FAM171A2: variants seen among roughly 807,000 people sequenced by gnomAD.
FAM171A2 encodes the protein protein FAM171A2.
A neutral mutation model predicts 34.2 loss-of-function variants in FAM171A2; 13 were observed. The ratio of observed to expected loss-of-function variants is 0.38; its 90% confidence interval spans 0.25 to 0.60. The LOEUF (loss-of-function observed/expected upper bound fraction) is 0.60, where lower values mean the gene tolerates loss of function less well. Among genes scored for constraint, FAM171A2 ranks in the 20% least tolerant of loss-of-function variants. The probability of loss-of-function intolerance (pLI) is 0.62; values close to 1 mark genes in which losing one functional copy is unlikely to be tolerated. For synonymous variants in FAM171A2, 475 were observed against 561.2 expected (o/e 0.85, Z 2.17); for missense variants, 950 against 1,180.7 (o/e 0.80, Z 2.86).
At chr17:44,363,071 TAGAGCA>T (rs976102407) in intron 1 of FAM171A2, among the ~76,000 whole-genome samples, 1 of 152,076 alleles carries the variant, frequency 6.6e-6, no homozygotes, top group Non-Finnish European at 1.5e-5. Flanking sequence ...AGAACCCCAT[TAGAGCA>T]GTCAATCCCG....
Position 44,360,039 on chromosome 17 carries a change from G to T in FAM171A2, c.212C>A (p.Ala71Glu), listed in dbSNP as rs1303346026. 1 of 1,551,666 alleles carries T rather than the reference G, an allele frequency of 6.4e-7. No individual in the cohort carries two copies. The highest frequency in any genetic ancestry group is 8.7e-7 in the Non-Finnish European group (1 of 1,147,032). The change falls in exon 2 of 8, where the codon GCA (alanine) becomes GAA (glutamate). Residue 71 changes from alanine to glutamate, a missense_variant. Coordinates refer to ENST00000293443, the MANE Select transcript of FAM171A2 (RefSeq NM_198475.3). ...VDVFGNRTLL[A>E]AGTTDSEGVA... ...ACCCTCTGAGTCTGTGGTGCCAGCT[G>T]CCAGCAGAGTCCGGTTCCCAAACAC...
rs1183963484 is a variant in FAM171A2, at chr17:44,356,503, T to C, written c.525A>G (p.Ser175=). 6.4e-7 allele frequency: 1 copy of C among 1,550,636 alleles called. No homozygotes were observed. The highest frequency in any genetic ancestry group is 8.7e-7 in the Non-Finnish European group (1 of 1,146,940). The part of the protein sequence containing the change: ...VSSTYSQLWA[S]LTPASTQQEM... ...CCTGCTGGGTGCTGGCAGGCGTAAG[T>C]GACGCCCAGAGCTGGCTGTAGGTGG... The change falls in exon 4 of 8, where the codon TCA becomes TCG. Residue 175 remains serine (S), a synonymous_variant. Transcript: ENST00000293443.
chr17:44,362,713 T>C (rs2143389336), intron 1 of FAM171A2, among the ~76,000 whole-genome samples: 1 of 152,084 alleles, frequency 6.6e-6, no homozygotes, highest in Admixed American at 6.5e-5. Flanking sequence ...CACACCCACC[T>C]GCGCCCGGTG....
At position 44,356,177 on chromosome 17, in the gene FAM171A2, C is replaced by A; in HGVS notation, c.774G>T (p.Lys258Asn). The A allele has an allele frequency of 6.5e-7, 1 of 1,546,578 alleles. No homozygotes were observed. Among genetic ancestry groups the A allele is most frequent in the Non-Finnish European group, 8.7e-7 (1 of 1,143,322 alleles). The change falls in exon 5 of 8, where the codon AAG becomes AAT. Residue 258 changes from lysine (K) to asparagine (N), a missense_variant. By Grantham distance (94) the Lys-to-Asn change is moderately conservative (BLOSUM62 0). Around this residue, in one of 3 missense-constraint regions of FAM171A2, gnomAD observed 752 missense variants for 924.5 expected, o/e 0.81. Coordinates refer to ENST00000293443, the MANE Select transcript of FAM171A2 (RefSeq NM_198475.3). ...GCAGCCCCCTGAGGCACTTACCACT[C>A]TTGGGGTCAAATCTCCAGGCTGGAA... The part of the protein sequence containing the change: ...TSIPAWRFDP[K>N]SGLWVRNGTG...
Position 44,354,226 on chromosome 17 carries a change from T to G in FAM171A2, c.1988A>C (p.Asn663Thr). The G allele has an allele frequency of 6.9e-7, 1 of 1,452,644 alleles. No homozygotes were observed. The highest frequency in any genetic ancestry group is 9.1e-7 in the Non-Finnish European group (1 of 1,094,430). The allele number at this position is 1,452,644 out of a possible 1,614,324, so 90.0% of individuals were successfully genotyped here. A position where few individuals can be genotyped will look rare whatever the true frequency, so the allele number is the denominator to read the frequency against. ...GATGTAAGAGTGGCGCACTTGCGAG[T>G]TGGAGCGCCCGTCGAGGGACACGAA... is the stretch of plus-strand genomic sequence containing the variant. The part of the protein sequence containing the change: ...AWFVSLDGRS[N>T]SQVRHSYIDL... Residue 663 changes from asparagine to threonine, a missense_variant, in exon 8 of 8, where the codon AAC (asparagine) becomes ACC (threonine). Physicochemically the swap from Asn to Thr is moderately conservative, Grantham distance 65 (BLOSUM62 0). Coordinates refer to ENST00000293443, the MANE Select transcript of FAM171A2 (RefSeq NM_198475.3). This position sits in a 1 kb window ranked among gnomAD's most constrained non-coding sequence, Gnocchi z 5.8.
Position 44,363,333 on chromosome 17 carries a change from T to C in FAM171A2, c.118+264A>G, listed in dbSNP as rs916264320. Among the ~76,000 whole-genome samples, 3 of 151,700 alleles carry C rather than the reference T, an allele frequency of 2.0e-5. No individual in the cohort carries two copies. In the South Asian group the frequency reaches 6.2e-4, roughly 31 times the overall value. ...GCGGACCAGGAGGGAGAAAAACAAA[T>C]AGGGAGAGGGCGGCGGCGCAGATCC... is the stretch of plus-strand genomic sequence containing the variant. On this transcript the variant is annotated intron_variant, in intron 1 of 7. Transcript: ENST00000293443.
chr17:44,356,100 A>G, intron 5 of FAM171A2, 26 bp from the exon 6 acceptor site: 1 of 1,525,920 alleles, frequency 6.6e-7, no homozygotes, highest in Non-Finnish European at 8.8e-7. Context: ...GTTTTGTCAC[A>G]CTTGAGTCGC....
Position 44,363,662 on chromosome 17 carries a change from C to A in FAM171A2, c.53G>T (p.Gly18Val). Reference protein sequence around the residue: ...SVLARLLPLLGLLLGSASRAP... With the variant: ...SVLARLLPLLVLLLGSASRAP... ...CCGGGAGGCGCTGCCGAGCAGCAGCCCCAGCAGCGGCAACAGCCGCGCGAG... is the reference window on the plus strand; with the variant it reads ...CCGGGAGGCGCTGCCGAGCAGCAGCACCAGCAGCGGCAACAGCCGCGCGAG... Residue 18 changes from glycine to valine, a missense_variant, in exon 1 of 8, where the codon GGG becomes GTG. Physicochemically the swap from Gly to Val is moderately radical, Grantham distance 109 (BLOSUM62 -3). Transcript: ENST00000293443. The A allele has an allele frequency of 8.1e-7, 1 of 1,227,530 alleles. No homozygotes were observed. The highest frequency in any genetic ancestry group is 1.0e-6 in the Non-Finnish European group (1 of 984,790). The allele number at this position is 1,227,530 out of a possible 1,614,324, so 76.0% of individuals were successfully genotyped here.
At chr17:44,360,217 T>C (rs2048442799) in intron 1 of FAM171A2, 85 bp from the exon 2 acceptor site, 6 of 1,174,256 alleles carry the variant, frequency 5.1e-6, no homozygotes, top group Non-Finnish European at 7.3e-6. Flanking sequence ...AGGAAGGAGC[T>C]GTGTTTGAGA....
chr17:44,357,311 C>G (rs1340269588), intron 3 of FAM171A2, among the ~76,000 whole-genome samples: 1 of 141,710 alleles, frequency 7.1e-6, no homozygotes, highest in Non-Finnish European at 1.5e-5. Flanking sequence ...TGTGCCATTG[C>G]ACTCCTGTCT....
chr17:44,355,260 TA>T lies in FAM171A2; in HGVS notation c.1023-70del. On this transcript the variant is annotated intron_variant, in intron 7 of 7. Coordinates refer to ENST00000293443, the MANE Select transcript of FAM171A2 (RefSeq NM_198475.3). This position sits in a 1 kb window ranked among gnomAD's most constrained non-coding sequence, Gnocchi z 4.1. ...GGCCAAAGTAGGCCCCGAACCCCCT[TA>T]GATGCAAGACAAGAGACGAATATAG... 5 of 1,522,222 alleles carry T rather than the reference TA, an allele frequency of 3.3e-6. No homozygotes were observed. Among genetic ancestry groups the T allele is most frequent in the Non-Finnish European group, 4.4e-6 (5 of 1,137,166 alleles). 94.3% of individuals were successfully genotyped at this position (1,522,222 alleles called of 1,614,324 possible).
At position 44,359,667 on chromosome 17, in the gene FAM171A2, A is replaced by G. The variant is rs750461281; in HGVS notation, c.351T>C (p.Tyr117=). The G allele has an allele frequency of 2.6e-5, 40 of 1,550,460 alleles. No individual in the cohort carries two copies. The highest frequency in any genetic ancestry group is 3.4e-5 in the Non-Finnish European group (39 of 1,146,862). Residue 117 remains tyrosine, a synonymous_variant, in exon 3 of 8, where the codon TAT becomes TAC. Coordinates refer to ENST00000293443, the MANE Select transcript of FAM171A2 (RefSeq NM_198475.3). ...VPWRVDKLPL[Y]ASVSLYLLPE... ...GGAGCAGGTAGAGGCTGACAGACGC[A>G]TACACTGCGGGAGGGATGGCCGGTC...
At position 44,354,745 on chromosome 17, in the gene FAM171A2, G is replaced by GC; in HGVS notation, c.1468dup (p.Ala490GlyfsTer368). ...GAAGTCGGGGGTCTTGCCCTCGGCC[G>GC]CCCCCTTGTGGCCCAGGTAGTGGTC... is the stretch of plus-strand genomic sequence containing the variant. On this transcript the variant is annotated frameshift_variant, in exon 8 of 8. Coordinates refer to ENST00000293443, the MANE Select transcript of FAM171A2 (RefSeq NM_198475.3). LOFTEE classifies it low-confidence loss of function (END_TRUNC). This position sits in a 1 kb window ranked among gnomAD's most constrained non-coding sequence, Gnocchi z 5.8. The GC allele has an allele frequency of 7.6e-7, 1 of 1,309,284 alleles. No individual in the cohort carries two copies. Among genetic ancestry groups the GC allele is most frequent in the Non-Finnish European group, 9.7e-7 (1 of 1,027,660 alleles). The allele number at this position is 1,309,284 out of a possible 1,614,324, so 81.1% of individuals were successfully genotyped here.
chr17:44,356,109 G>A, intron 5 of FAM171A2, 35 bp from the exon 6 acceptor site: 10 of 1,522,288 alleles, frequency 6.6e-6, no homozygotes, highest in Non-Finnish European at 8.9e-6. Context: ...CACTTGAGTC[G>A]CTCCCACTCA....
intron 1 of FAM171A2, 86 bp from the exon 2 acceptor site, chr17:44,360,218 G>T: frequency 8.8e-7 from 1 of 1,133,704 alleles, no homozygotes; most frequent in Non-Finnish European, 1.3e-6. Context: ...GGAAGGAGCT[G>T]TGTTTGAGAG....
intron 3 of FAM171A2, among the ~76,000 whole-genome samples, 185 bp from the exon 4 acceptor site, chr17:44,356,773 C>T (rs1255084751): frequency 6.6e-6 from 1 of 152,216 alleles, no homozygotes; most frequent in Non-Finnish European, 1.5e-5. Flanking sequence ...GGACATGGAC[C>T]TGAAATCTCT....
Position 44,355,678 on chromosome 17 carries a change from C to G in FAM171A2, c.1022+37G>C, listed in dbSNP as rs974267798. On this transcript the variant is annotated intron_variant, in intron 7 of 7. Transcript: ENST00000293443. The surrounding 1 kb of genome is among the most constrained non-coding windows in gnomAD (Gnocchi z 4.1). ...ATCTTTGGGGCCCCAGGGCCCGGTA[C>G]AAGTGCAGGGGAGGGTGAGGGAAGC... is the stretch of plus-strand genomic sequence containing the variant. The G allele has an allele frequency of 1.3e-6, 2 of 1,550,320 alleles. No homozygotes were observed. The highest frequency in any genetic ancestry group is 2.7e-5 in the African/African-American group (2 of 73,038).
intron 1 of FAM171A2, among the ~76,000 whole-genome samples, chr17:44,361,998 G>C (rs1394264444): frequency 6.6e-6 from 1 of 151,912 alleles, no homozygotes; most frequent in Non-Finnish European, 1.5e-5. Flanking sequence ...GTCATTTGAG[G>C]GAATGCCTTG....
chr17:44,354,248 C>G lies in FAM171A2; in HGVS notation c.1966G>C (p.Val656Leu). The G allele has an allele frequency of 6.9e-7, 1 of 1,453,508 alleles. No homozygotes were observed. The highest frequency in any genetic ancestry group is 9.1e-7 in the Non-Finnish European group (1 of 1,094,952). The allele number at this position is 1,453,508 out of a possible 1,614,324, so 90.0% of individuals were successfully genotyped here. The change falls in exon 8 of 8, where the codon GTG becomes CTG. Residue 656 changes from valine to leucine, a missense_variant. Transcript: ENST00000293443. The surrounding 1 kb of genome is among the most constrained non-coding windows in gnomAD (Gnocchi z 5.8). ...GVKPHPRAWF[V>L]SLDGRSNSQV... is the part of the protein sequence containing the mutation. ...GAGTTGGAGCGCCCGTCGAGGGACA[C>G]GAACCAGGCGCGCGGGTGCGGCTTC... is the stretch of plus-strand genomic sequence containing the variant.
Sources: gnomAD v4.1 joint callset for allele counts (sites outside exome capture counted in the v4.1 genomes callset) on GRCh38, gnomAD v4.1.1 for gene constraint, gnomAD v4.1.1 regional missense constraint, Gnocchi (gnomAD v3.1) non-coding constraint, MANE v1.5 for transcripts, NCBI Gene and HGNC (gene_info 2026-07-23, HGNC 2026-07-21) for gene names.